The following SYNPR variants were observed in gnomAD, a reference collection of about 807,000 sequenced individuals.
SYNPR encodes synaptoporin.
Under a neutral mutation model 32.9 loss-of-function variants are expected in SYNPR, and 23 were observed. That is an observed-to-expected ratio of 0.70 (90% CI 0.50 to 0.99). The LOEUF (loss-of-function observed/expected upper bound fraction) is 0.99, where lower values mean the gene tolerates loss of function less well. Among genes scored for constraint, SYNPR ranks in the 50% least tolerant of loss-of-function variants. The pLI is 0.00. For missense variants in SYNPR, 318 were observed against 349.3 expected (o/e 0.91, Z 0.71); for synonymous variants, 146 against 135.9 (o/e 1.07, Z -0.52).
Position 63,600,746 on chromosome 3 carries a change from C to CGAA in SYNPR, c.409-8379_409-8378insGAA, listed in dbSNP as rs138334760. On this transcript the variant is annotated intron_variant, in intron 4 of 5. Coordinates refer to ENST00000478300, the MANE Select transcript of SYNPR (RefSeq NM_001130003.2). ...CTTGTGAAGAAGATGCCTTGCTTCCCCTTCACCTTCTGCCATGATTGTAAG... is the reference window on the plus strand; with the variant it reads ...CTTGTGAAGAAGATGCCTTGCTTCCCGAACTTCACCTTCTGCCATGATTGTAAG... Among the ~76,000 whole-genome samples the CGAA allele has an allele frequency of 6.5e-3, 995 of 152,244 alleles. 7 individuals carry two copies. Among genetic ancestry groups the CGAA allele is most frequent in the Middle Eastern group, 0.02 (6 of 294 alleles).
At chr3:63,388,707 C>T (rs949708254) in intron 2 of SYNPR, among the ~76,000 whole-genome samples, 11 of 151,856 alleles carry the variant, frequency 7.2e-5, no homozygotes, top group African/African-American at 2.7e-4. Context: ...GGATTATAGG[C>T]GTGAGCCACC....
chr3:63,343,610 G>A (rs1489041764), intron 2 of SYNPR, among the ~76,000 whole-genome samples: 3 of 152,114 alleles, frequency 2.0e-5, no homozygotes, highest in African/African-American at 7.2e-5. Flanking sequence ...GACCATCTAA[G>A]TCCATGAAGT....
At chr3:63,569,520 C>A (rs963101215) in intron 4 of SYNPR, among the ~76,000 whole-genome samples, 1 of 152,154 alleles carries the variant, frequency 6.6e-6, no homozygotes, top group African/African-American at 2.4e-5. Context: ...TTCTAAGGAG[C>A]CTGACATTAA....
intron 1 of SYNPR, among the ~76,000 whole-genome samples, chr3:63,246,052 A>C (rs2086286723): frequency 6.6e-6 from 1 of 152,126 alleles, no homozygotes. Flanking sequence ...ATTTCTTAGG[A>C]TAAGTGCCTC....
At chr3:63,494,480 T>TATATACAC (rs1559516484) in intron 3 of SYNPR, among the ~76,000 whole-genome samples, 4 of 116,658 alleles carry the variant, frequency 3.4e-5, no homozygotes, top group Admixed American at 1.7e-4. Context: ...CATATATACA[T>TATATACAC]ATATATACAT....
At chr3:63,399,092 A>G (rs1212811115) in intron 2 of SYNPR, among the ~76,000 whole-genome samples, 1 of 152,186 alleles carries the variant, frequency 6.6e-6, no homozygotes, top group African/African-American at 2.4e-5. Flanking sequence ...CAATGTTCTC[A>G]TGGTAGGAAA....
intron 2 of SYNPR, among the ~76,000 whole-genome samples, chr3:63,478,100 A>G (rs1209780133): frequency 1.3e-5 from 2 of 152,208 alleles, no homozygotes; most frequent in Non-Finnish European, 2.9e-5. Context: ...TTGTGTTTTC[A>G]GAGGTCAAGA....
At chr3:63,472,860 T>A (rs112782072) in intron 2 of SYNPR, among the ~76,000 whole-genome samples, 1 of 152,138 alleles carries the variant, frequency 6.6e-6, no homozygotes, top group Non-Finnish European at 1.5e-5. Context: ...AAGAGTCAGA[T>A]AGTAAATATG....
intron 1 of SYNPR, among the ~76,000 whole-genome samples, chr3:63,231,652 C>A (rs17067908): frequency 0.017 from 2,640 of 152,138 alleles, 77 homozygotes; most frequent in African/African-American, 0.061. Context: ...ACTTCTAGGC[C>A]CCAGGTCAAA....
intron 1 of SYNPR, among the ~76,000 whole-genome samples, chr3:63,247,578 T>A (rs547302231): frequency 6.6e-6 from 1 of 152,106 alleles, no homozygotes; most frequent in African/African-American, 2.4e-5. Context: ...CCAGTGTATG[T>A]ATACCTGAGA....
At chr3:63,419,162 G>A (rs1444892780) in intron 2 of SYNPR, among the ~76,000 whole-genome samples, 1 of 152,196 alleles carries the variant, frequency 6.6e-6, no homozygotes, top group Non-Finnish European at 1.5e-5. Flanking sequence ...GCTTTGCAAA[G>A]TAATCAGGCA....
chr3:63,574,660 C>T lies in SYNPR; in HGVS notation c.408+17919C>T, dbSNP rs559105488. ...TTATACTTGTTGGTTACATATCAGCCTCTACCACCATATCATAAGATCTTT... is the reference window on the plus strand; with the variant it reads ...TTATACTTGTTGGTTACATATCAGCTTCTACCACCATATCATAAGATCTTT... On this transcript the variant is annotated intron_variant, in intron 4 of 5. Transcript: ENST00000478300. 7.9e-5 allele frequency among the ~76,000 whole-genome samples: 12 copies of T among 152,266 alleles called. 1 individual carries two copies. In the South Asian group the frequency reaches 2.5e-3, roughly 32 times the overall value.
intron 2 of SYNPR, among the ~76,000 whole-genome samples, chr3:63,450,694 C>T (rs183374497): frequency 4.9e-4 from 74 of 152,274 alleles, no homozygotes; most frequent in Admixed American, 4.3e-3. Flanking sequence ...CTAGGTGGCT[C>T]TTAGAAGACT....
intron 4 of SYNPR, among the ~76,000 whole-genome samples, chr3:63,607,869 A>G (rs575546882): frequency 1.4e-5 from 2 of 147,802 alleles, no homozygotes; most frequent in African/African-American, 5.0e-5. Context: ...ATGAAAAGTA[A>G]TTCAGCCACA....
At chr3:63,458,565 C>G (rs1158666812) in intron 2 of SYNPR, among the ~76,000 whole-genome samples, 1 of 152,146 alleles carries the variant, frequency 6.6e-6, no homozygotes. Flanking sequence ...TGCAAGATCT[C>G]TTACAGCTTA....
At chr3:63,597,923 A>C (rs1184770406) in intron 4 of SYNPR, among the ~76,000 whole-genome samples, 5 of 152,184 alleles carry the variant, frequency 3.3e-5, no homozygotes, top group African/African-American at 1.2e-4. Context: ...CCCCCAGCTG[A>C]GCTGCCATCT....
At chr3:63,431,242 G>T (rs1422432343) in intron 2 of SYNPR, among the ~76,000 whole-genome samples, 1 of 152,208 alleles carries the variant, frequency 6.6e-6, no homozygotes, top group East Asian at 1.9e-4. Context: ...AGGAAGGACA[G>T]AGAAGAAAAC....
chr3:63,397,899 C>T (rs2073756329), intron 2 of SYNPR, among the ~76,000 whole-genome samples: 1 of 152,080 alleles, frequency 6.6e-6, no homozygotes, highest in South Asian at 2.1e-4. Flanking sequence ...TAAAAAGTGA[C>T]ATTGAGACAA....
chr3:63,324,739 C>G (rs1361274079), intron 2 of SYNPR, among the ~76,000 whole-genome samples: 1 of 152,080 alleles, frequency 6.6e-6, no homozygotes, highest in Non-Finnish European at 1.5e-5. Flanking sequence ...AATCTGCTCA[C>G]CAGGCAGCAA....
Sources: allele counts gnomAD v4.1 joint callset (sites outside exome capture counted in the v4.1 genomes callset), GRCh38; gene constraint gnomAD v4.1.1; transcripts MANE v1.5; gene names NCBI Gene and HGNC (gene_info 2026-07-23, HGNC 2026-07-21).